The following GNAL variants were observed in gnomAD, a reference collection of about 807,000 sequenced individuals.
GNAL encodes G protein subunit alpha L, also known as guanine nucleotide-binding protein G(olf) subunit alpha.
A neutral mutation model predicts 55.1 loss-of-function variants in GNAL; 18 were observed. The ratio of observed to expected loss-of-function variants is 0.33; its 90% CI spans 0.23 to 0.48. The LOEUF (loss-of-function observed/expected upper bound fraction) is 0.48, where lower values mean the gene tolerates loss of function less well. Ranked by LOEUF, GNAL falls within the 20% of genes least tolerant of loss-of-function variation. The probability of loss-of-function intolerance (pLI) is 0.99; values close to 1 mark genes in which losing one functional copy is unlikely to be tolerated. For synonymous variants in GNAL, 253 were observed against 237.0 expected, an observed-to-expected ratio of 1.07 and a Z score of -0.62; for missense variants, 412 against 614.1, an observed-to-expected ratio of 0.67 and a Z score of 3.48.
At chr18:11,863,232 T>C (rs780021501) in intron 6 of GNAL, among the ~76,000 whole-genome samples, 3 of 152,136 alleles carry the variant, frequency 2.0e-5, no homozygotes, top group Non-Finnish European at 4.4e-5. Context: ...CCTTCGACCC[T>C]CGGGCAGCTG....
intron 4 of GNAL, among the ~76,000 whole-genome samples, chr18:11,804,177 T>TGTAGC (rs1568034936): frequency 1.8e-3 from 195 of 108,136 alleles, no homozygotes; most frequent in African/African-American, 6.7e-3. Flanking sequence ...TACTGTGTAG[T>TGTAGC]GGTGAAGTAC....
intron 5 of GNAL, 26 bp from the exon 6 acceptor site, chr18:11,862,365 GGCCT>G: frequency 6.2e-7 from 1 of 1,600,708 alleles, no homozygotes; most frequent in Non-Finnish European, 8.6e-7. Flanking sequence ...GCAGAGAACA[GGCCT>G]CAACCCTTGC....
At chr18:11,814,275 A>G (rs1352601154) in intron 4 of GNAL, among the ~76,000 whole-genome samples, 5 of 152,348 alleles carry the variant, frequency 3.3e-5, no homozygotes, top group African/African-American at 9.6e-5. Flanking sequence ...CTGGAATCCC[A>G]ACACTTTGGG....
chr18:11,859,122 T>C (rs1456768099), intron 5 of GNAL, among the ~76,000 whole-genome samples: 1 of 152,208 alleles, frequency 6.6e-6, no homozygotes, highest in East Asian at 1.9e-4. Flanking sequence ...ACTCTAACTA[T>C]AGCCACAGGC....
At chr18:11,703,362 A>C (rs1321339102) in intron 1 of GNAL, among the ~76,000 whole-genome samples, 1 of 152,226 alleles carries the variant, frequency 6.6e-6, no homozygotes, top group Non-Finnish European at 1.5e-5. Flanking sequence ...TATGTGACCT[A>C]TAAGGAAGTG....
chr18:11,818,243 A>G (rs899049960), intron 4 of GNAL, among the ~76,000 whole-genome samples: 5 of 152,198 alleles, frequency 3.3e-5, no homozygotes, highest in Non-Finnish European at 7.3e-5. Context: ...TCATAGTGTT[A>G]TAACACTGTA....
At chr18:11,778,273 T>C (rs2033837743) in intron 4 of GNAL, among the ~76,000 whole-genome samples, 1 of 152,178 alleles carries the variant, frequency 6.6e-6, no homozygotes, top group South Asian at 2.1e-4. Context: ...AGAGAAGGGT[T>C]AAATCCTCAG....
At chr18:11,775,393 C>T (rs1007855168) in intron 4 of GNAL, among the ~76,000 whole-genome samples, 1 of 152,224 alleles carries the variant, frequency 6.6e-6, no homozygotes, top group African/African-American at 2.4e-5. Flanking sequence ...TGAGATTTTA[C>T]GCAGATGATC....
rs552277116 is a variant in GNAL, at chr18:11,814,717, C to T, written c.625-10201C>T. Among the ~76,000 whole-genome samples, 140 of 151,498 alleles carry T rather than the reference C, an allele frequency of 9.2e-4. 1 individual carries two copies. In the Middle Eastern group the frequency reaches 0.014, roughly 15 times the overall value. ...TTGGGGACCAGCCTGACCAACATGG[C>T]GAAACGCTGTCTATACTAAAAATAC... On this transcript the variant is annotated intron_variant, in intron 4 of 11. Coordinates refer to ENST00000334049, the MANE Select transcript of GNAL (RefSeq NM_182978.4).
Position 11,868,574 on chromosome 18 carries a change from C to T in GNAL, c.942C>T (p.Cys314=). Residue 314 remains cysteine, a synonymous_variant, in exon 9 of 12, where the codon TGC becomes TGT. Transcript: ENST00000334049. This position sits in a 1 kb window ranked among gnomAD's most constrained non-coding sequence, Gnocchi z 4.0. The part of the protein sequence containing the change: ...DVTAIIYVAA[C]SSYNMVIRED... Reference sequence around the variant, plus strand: ...CAGCTATCATTTACGTCGCAGCCTGCAGTAGCTACAACATGGTGATTCGAG... The same window carrying T: ...CAGCTATCATTTACGTCGCAGCCTGTAGTAGCTACAACATGGTGATTCGAG... 2 of 1,609,770 alleles carry T rather than the reference C, an allele frequency of 1.2e-6. No homozygotes were observed. The highest frequency in any genetic ancestry group is 1.7e-6 in the Non-Finnish European group (2 of 1,176,914).
At position 11,703,258 on chromosome 18, in the gene GNAL, C is replaced by T. The variant is rs142050322; in HGVS notation, c.376+13319C>T. On this transcript the variant is annotated intron_variant, in intron 1 of 11. Coordinates refer to ENST00000334049, the MANE Select transcript of GNAL (RefSeq NM_182978.4). ...CACGCAGAGCAAATGAAAAACAGAA[C>T]GCTCCGCACGTTGTGCATAGTTTTA... Among the ~76,000 whole-genome samples the T allele has an allele frequency of 1.9e-3, 286 of 152,354 alleles. 2 individuals are homozygous for T. The highest frequency in any genetic ancestry group is 5.8e-3 in the African/African-American group (240 of 41,590).
chr18:11,746,209 G>A, intron 1 of GNAL: 1 of 533,484 alleles, frequency 1.9e-6, no homozygotes. Context: ...CATCACTGTA[G>A]GTACAACCTC....
intron 1 of GNAL, among the ~76,000 whole-genome samples, chr18:11,700,241 C>T (rs1018429938): frequency 6.6e-6 from 1 of 152,182 alleles, no homozygotes; most frequent in African/African-American, 2.4e-5. Flanking sequence ...GGAAAGATAG[C>T]GGCCCATTAT....
intron 11 of GNAL, among the ~76,000 whole-genome samples, chr18:11,879,779 G>A (rs1452061990): frequency 1.3e-5 from 2 of 152,162 alleles, no homozygotes; most frequent in Admixed American, 6.5e-5. Flanking sequence ...ACCATGATTC[G>A]TAATGTCTAA....
At chr18:11,779,200 A>G (rs932535214) in intron 4 of GNAL, among the ~76,000 whole-genome samples, 3 of 152,202 alleles carry the variant, frequency 2.0e-5, no homozygotes, top group Admixed American at 2.0e-4. Flanking sequence ...AATGGAAAGC[A>G]GGAGACTGCA....
chr18:11,718,821 T>C (rs1262957332), intron 1 of GNAL, among the ~76,000 whole-genome samples: 1 of 152,204 alleles, frequency 6.6e-6, no homozygotes, highest in Non-Finnish European at 1.5e-5. Flanking sequence ...CTATATGTAG[T>C]GAAGAATGGT....
intron 5 of GNAL, among the ~76,000 whole-genome samples, chr18:11,843,111 C>G (rs1459423454): frequency 6.6e-6 from 1 of 151,956 alleles, no homozygotes; most frequent in Non-Finnish European, 1.5e-5. Context: ...GTGAAAAGAT[C>G]CCTTGAGCCC....
At chr18:11,698,817 C>T (rs1438879582) in intron 1 of GNAL, among the ~76,000 whole-genome samples, 1 of 152,078 alleles carries the variant, frequency 6.6e-6, no homozygotes, top group Non-Finnish European at 1.5e-5. Flanking sequence ...CATTCAGGTG[C>T]CTGGACTCAA....
intron 1 of GNAL, among the ~76,000 whole-genome samples, chr18:11,744,473 TG>T (rs1389217832): frequency 3.9e-5 from 6 of 152,078 alleles, no homozygotes; most frequent in Non-Finnish European, 8.8e-5. Context: ...CTGCTAAAAA[TG>T]AATGATCATC....
Sources: allele counts gnomAD v4.1 joint callset (sites outside exome capture counted in the v4.1 genomes callset), GRCh38; gene constraint gnomAD v4.1.1; non-coding constraint Gnocchi (gnomAD v3.1); transcripts MANE v1.5; gene names NCBI Gene and HGNC (gene_info 2026-07-23, HGNC 2026-07-21).